The following GRIK2 variants were observed in gnomAD, a reference collection of about 807,000 sequenced individuals.
The protein encoded by GRIK2 is glutamate receptor ionotropic, kainate 2.
In GRIK2, 32 loss-of-function variants were observed where a neutral mutation model predicts 100.3. That is an observed-to-expected ratio of 0.32 (90% CI 0.24 to 0.43). GRIK2 has a LOEUF of 0.43. GRIK2 is among the 20% of genes least tolerant of loss of function. GRIK2 has a pLI of 1.00. For synonymous variants in GRIK2, 417 were observed against 389.4 expected (o/e 1.07, Z -0.83); for missense variants, 843 against 1,114.9 (o/e 0.76, Z 3.47).
At position 101,571,840 on chromosome 6, in the gene GRIK2, A is replaced by G. The variant is rs115150768; in HGVS notation, c.116-50109A>G. On this transcript the variant is annotated intron_variant, in intron 2 of 16. Transcript: ENST00000369134. ...TTAAATTATCTCTGATAGAAAATAA[A>G]CTGTCATGGACATCTATACATAACC... 1.5e-3 allele frequency among the ~76,000 whole-genome samples: 225 copies of G among 152,276 alleles called. 1 individual carries two copies. The highest frequency in any genetic ancestry group is 5.3e-3 in the African/African-American group (220 of 41,588).
intron 14 of GRIK2, among the ~76,000 whole-genome samples, chr6:102,024,284 A>C (rs1769578896): frequency 6.6e-6 from 1 of 151,176 alleles, no homozygotes; most frequent in African/African-American, 2.4e-5. Flanking sequence ...TCAGGAAATA[A>C]ATTTACAGAA....
intron 2 of GRIK2, among the ~76,000 whole-genome samples, chr6:101,613,348 T>C (rs1779760977): frequency 6.6e-6 from 1 of 151,758 alleles, no homozygotes; most frequent in Non-Finnish European, 1.5e-5. Flanking sequence ...CTGACTTAGA[T>C]ATAAAAGCAA....
At chr6:101,414,374 G>A (rs1776015635) in intron 2 of GRIK2, among the ~76,000 whole-genome samples, 1 of 152,036 alleles carries the variant, frequency 6.6e-6, no homozygotes, top group Non-Finnish European at 1.5e-5. Flanking sequence ...TATTTCTTCT[G>A]TATTTTTATA....
chr6:101,565,894 CT>C (rs1378750150), intron 2 of GRIK2, among the ~76,000 whole-genome samples: 1 of 137,930 alleles, frequency 7.3e-6, no homozygotes, highest in Non-Finnish European at 1.5e-5. Flanking sequence ...TTCTGCCAAT[CT>C]TTATCTTTAT....
rs1045394178 is a variant in GRIK2 at position 101,417,249 on chromosome 6, G to C, written c.115+17857G>C. ...ACCATGATTCAATCACCTCCCACCA[G>C]GTCCCTCCCACAACATGTGGGGATT... On this transcript the variant is annotated intron_variant, in intron 2 of 16. Transcript: ENST00000369134. Among the ~76,000 whole-genome samples, 11 of 152,246 alleles carry C rather than the reference G, an allele frequency of 7.2e-5. No individual in the cohort carries two copies. The East Asian group carries it at 2.1e-3, about 30-fold the overall frequency.
chr6:101,505,345 C>T (rs1773968066), intron 2 of GRIK2, among the ~76,000 whole-genome samples: 1 of 152,036 alleles, frequency 6.6e-6, no homozygotes, highest in East Asian at 1.9e-4. Context: ...CCGAAGCTTT[C>T]CTCAGTTAAG....
chr6:101,552,683 G>T (rs1776565961), intron 2 of GRIK2, among the ~76,000 whole-genome samples: 1 of 152,114 alleles, frequency 6.6e-6, no homozygotes, highest in Non-Finnish European at 1.5e-5. Context: ...TAATCATGAT[G>T]CTCTGCCCAG....
chr6:101,897,327 C>G (rs752297988), intron 12 of GRIK2, among the ~76,000 whole-genome samples: 2 of 151,308 alleles, frequency 1.3e-5, no homozygotes, highest in African/African-American at 4.8e-5. Flanking sequence ...CATTTTTTAC[C>G]AAGTGATACA....
intron 2 of GRIK2, among the ~76,000 whole-genome samples, chr6:101,417,225 C>T (rs572355468): frequency 1.0e-3 from 158 of 152,242 alleles, no homozygotes; most frequent in African/African-American, 3.7e-3. Flanking sequence ...AAACATGCCA[C>T]CATGATTCAA....
chr6:101,954,446 C>T (rs1791788611), intron 14 of GRIK2, among the ~76,000 whole-genome samples: 1 of 152,002 alleles, frequency 6.6e-6, no homozygotes, highest in South Asian at 2.1e-4. Context: ...ATAGATCCCT[C>T]TGTATTGTAT....
At chr6:101,440,177 G>GA (rs1475771073) in intron 2 of GRIK2, among the ~76,000 whole-genome samples, 4 of 152,026 alleles carry the variant, frequency 2.6e-5, no homozygotes, top group East Asian at 1.9e-4. Flanking sequence ...AAAAGTGCTT[G>GA]AAAAAGAATC....
chr6:101,697,605 G>A (rs1277017027), intron 7 of GRIK2, among the ~76,000 whole-genome samples: 1 of 151,912 alleles, frequency 6.6e-6, no homozygotes, highest in Non-Finnish European at 1.5e-5. Context: ...AAGATGGCTT[G>A]TTGGACACAG....
chr6:101,691,049 A>G (rs1024672698), intron 7 of GRIK2, among the ~76,000 whole-genome samples: 1 of 152,156 alleles, frequency 6.6e-6, no homozygotes, highest in Non-Finnish European at 1.5e-5. Context: ...TGAAGTCCCT[A>G]TACCTAGTTT....
At chr6:101,961,420 C>T (rs1012472347) in intron 14 of GRIK2, among the ~76,000 whole-genome samples, 6 of 152,000 alleles carry the variant, frequency 3.9e-5, no homozygotes, top group Non-Finnish European at 7.4e-5. Flanking sequence ...CCTAATAGTC[C>T]TATAATGGTT....
chr6:101,448,643 A>C (rs868623923), intron 2 of GRIK2, among the ~76,000 whole-genome samples: 6 of 151,598 alleles, frequency 4.0e-5, no homozygotes, highest in African/African-American at 1.5e-4. Context: ...AGCCATTTTG[A>C]AGCATGAGAA....
Position 101,751,252 on chromosome 6 carries a change from C to CT in GRIK2, c.952-48386dup, listed in dbSNP as rs545040619. 1.3e-3 allele frequency among the ~76,000 whole-genome samples: 188 copies of CT among 148,302 alleles called. 1 individual carries two copies. Among genetic ancestry groups the CT allele is most frequent in the Middle Eastern group, 3.4e-3 (1 of 290 alleles). On this transcript the variant is annotated intron_variant, in intron 7 of 16. Transcript: ENST00000369134. ...CCACACCTAGCTATTTTCTAAATTT[C>CT]TTTTTTTTTTATTTTTACTTTTTAT...
At chr6:101,407,198 A>G (rs1775639489) in intron 2 of GRIK2, among the ~76,000 whole-genome samples, 1 of 152,104 alleles carries the variant, frequency 6.6e-6, no homozygotes, top group African/African-American at 2.4e-5. Flanking sequence ...AATTCATCAT[A>G]GATTTTAGTA....
chr6:101,886,991 ATT>A (rs35339842), intron 11 of GRIK2, among the ~76,000 whole-genome samples: 2 of 144,236 alleles, frequency 1.4e-5, no homozygotes, highest in Admixed American at 7.0e-5. Flanking sequence ...ACACCTGGGT[ATT>A]TTTTTTTTTG....
intron 2 of GRIK2, among the ~76,000 whole-genome samples, chr6:101,589,551 A>G (rs1413069097): frequency 6.6e-6 from 1 of 152,196 alleles, no homozygotes; most frequent in Middle Eastern, 3.4e-3. Context: ...GGATCACGTC[A>G]TATTTATTTT....
Sources: gnomAD v4.1 joint callset for allele counts (sites outside exome capture counted in the v4.1 genomes callset) on GRCh38, gnomAD v4.1.1 for gene constraint, MANE v1.5 for transcripts, NCBI Gene and HGNC (gene_info 2026-07-23, HGNC 2026-07-21) for gene names.